Variants in ARSI observed in about 807,000 individuals in gnomAD.
ARSI encodes the protein arylsulfatase I.
Under a neutral mutation model 42.1 loss-of-function variants are expected in ARSI, and 37 were observed. The ratio of observed to expected loss-of-function variants is 0.88; its 90% CI spans 0.68 to 1.16. ARSI has a LOEUF of 1.16. Ranked by LOEUF, ARSI falls within the 50% of genes most tolerant of loss-of-function variation. The probability of loss-of-function intolerance (pLI) is 0.00; values close to 1 mark genes in which losing one functional copy is unlikely to be tolerated. For synonymous variants in ARSI, 305 were observed against 320.3 expected (o/e 0.95, Z 0.51); for missense variants, 725 against 790.1 (o/e 0.92, Z 0.99).
Position 150,296,459 on chromosome 5 carries a change from A to C in ARSI, c.*755T>G, listed in dbSNP as rs1016495520. ...TGGCATCCCCACTTGCAGGTGGGGA[A>C]ATCAAGGCCTAGAGGGCAAGAACTG... On this transcript the variant is annotated 3_prime_UTR_variant, in exon 2 of 2. Coordinates refer to ENST00000328668, the MANE Select transcript of ARSI (RefSeq NM_001012301.4). 1 of 152,304 alleles carries C rather than the reference A, an allele frequency of 6.6e-6. No individual in the cohort carries two copies. Among genetic ancestry groups the C allele is most frequent in the African/African-American group, 2.4e-5 (1 of 41,474 alleles). The allele number at this position is 152,304 out of a possible 1,614,324, so 9.4% of individuals were successfully genotyped here.
At position 150,298,040 on chromosome 5, in the gene ARSI, GAGA is replaced by G. The variant is rs772864164; in HGVS notation, c.881_883del (p.Phe294del). The G allele has an allele frequency of 4.3e-6, 7 of 1,612,650 alleles. No individual in the cohort carries two copies. The highest frequency in any genetic ancestry group is 5.9e-6 in the Non-Finnish European group (7 of 1,180,030). ...GAAAGTCTGGCCACCATTGTCACTG[GAGA>G]AGATGATGACACTGTTGTTGTAGAA... On this transcript the variant is annotated inframe_deletion, in exon 2 of 2. Coordinates refer to ENST00000328668, the MANE Select transcript of ARSI (RefSeq NM_001012301.4).
chr5:150,296,604 G>C lies in ARSI; in HGVS notation c.*610C>G, dbSNP rs1757802949. The C allele has an allele frequency of 6.6e-6, 1 of 152,428 alleles. No homozygotes were observed. Among genetic ancestry groups the C allele is most frequent in the South Asian group, 2.1e-4 (1 of 4,840 alleles). 9.4% of individuals were successfully genotyped at this position (152,428 alleles called of 1,614,324 possible). On this transcript the variant is annotated 3_prime_UTR_variant, in exon 2 of 2. Coordinates refer to ENST00000328668, the MANE Select transcript of ARSI (RefSeq NM_001012301.4). The stretch of plus-strand genomic sequence containing the variant: ...GCCCAGCCAGTTTCTCTGGGTACTG[G>C]AGGGGCCAGAAGAGGAATTTTGCAC...
At chr5:150,300,756 T>C (rs571502279) in intron 1 of ARSI, among the ~76,000 whole-genome samples, 2 of 152,320 alleles carry the variant, frequency 1.3e-5, no homozygotes, top group African/African-American at 4.8e-5. Flanking sequence ...AGCACTGCCC[T>C]CCTGCTGTCT....
Position 150,297,480 on chromosome 5 carries a change from G to C in ARSI, c.1444C>G (p.Pro482Ala). The C allele has an allele frequency of 1.2e-6, 2 of 1,613,616 alleles. No individual in the cohort carries two copies. The highest frequency in any genetic ancestry group is 1.7e-6 in the Non-Finnish European group (2 of 1,179,770). ...GCCAGCAGGGTGCGGACCACATCAG[G>C]CCGCTGGCCAGCCAGGTCCTCCCGT... Reference protein sequence around the residue: ...YEREDLAGQRPDVVRTLLARL... With the variant: ...YEREDLAGQRADVVRTLLARL... Residue 482 changes from proline (P) to alanine (A), a missense_variant, in exon 2 of 2, where the codon CCT becomes GCT. Coordinates refer to ENST00000328668, the MANE Select transcript of ARSI (RefSeq NM_001012301.4). This position sits in a 1 kb window ranked among gnomAD's most constrained non-coding sequence, Gnocchi z 7.0.
Position 150,297,402 on chromosome 5 carries a change from T to A in ARSI, c.1522A>T (p.Asn508Tyr). 6.2e-7 allele frequency: 1 copy of A among 1,608,954 alleles called. No individual in the cohort carries two copies. The highest frequency in any genetic ancestry group is 2.2e-5 in the East Asian group (1 of 44,858). The change falls in exon 2 of 2, where the codon AAC becomes TAC. Residue 508 changes from asparagine (N) to tyrosine (Y), a missense_variant. By Grantham distance (143) the Asn-to-Tyr change is moderately radical. Coordinates refer to ENST00000328668, the MANE Select transcript of ARSI (RefSeq NM_001012301.4). This position sits in a 1 kb window ranked among gnomAD's most constrained non-coding sequence, Gnocchi z 7.0. ...TAIPVRYPAE[N>Y]PRAHPDFNGG... ...TTAAAGTCAGGATGAGCCCGGGGGT[T>A]CTCAGCTGGGTAGCGTACCGGGATG...
rs1205440899 is a variant in ARSI at position 150,297,138 on chromosome 5, C to T, written c.*76G>A. On this transcript the variant is annotated 3_prime_UTR_variant, in exon 2 of 2. Transcript: ENST00000328668. This position sits in a 1 kb window ranked among gnomAD's most constrained non-coding sequence, Gnocchi z 7.0. Reference sequence around the variant, plus strand: ...TCCCTGTAGATGGAGATGTGACAGGCTTCTCCCTGAGAAACAGCAGGGCCA... The same window carrying T: ...TCCCTGTAGATGGAGATGTGACAGGTTTCTCCCTGAGAAACAGCAGGGCCA... The T allele has an allele frequency of 1.4e-6, 2 of 1,458,896 alleles. No homozygotes were observed. The highest frequency in any genetic ancestry group is 1.9e-6 in the Non-Finnish European group (2 of 1,080,268). 90.4% of individuals were successfully genotyped at this position (1,458,896 alleles called of 1,614,324 possible).
Position 150,297,291 on chromosome 5 carries a change from T to C in ARSI, c.1633A>G (p.Lys545Glu), listed in dbSNP as rs1562222998. The C allele has an allele frequency of 1.2e-6, 2 of 1,611,038 alleles. No homozygotes were observed. The highest frequency in any genetic ancestry group is 1.7e-6 in the Non-Finnish European group (2 of 1,178,692). ...RARSFSRGRR[K>E]KKCKICKLRS... Reference sequence around the variant, plus strand: ...AGCTTGCAAATCTTGCATTTTTTCTTGCGACGACCCCGGGAGAAGCTTCGA... The same window carrying C: ...AGCTTGCAAATCTTGCATTTTTTCTCGCGACGACCCCGGGAGAAGCTTCGA... Residue 545 changes from lysine (K) to glutamate (E), a missense_variant, in exon 2 of 2, where the codon AAG becomes GAG. Coordinates refer to ENST00000328668, the MANE Select transcript of ARSI (RefSeq NM_001012301.4). This position sits in a 1 kb window ranked among gnomAD's most constrained non-coding sequence, Gnocchi z 7.0.
Position 150,298,440 on chromosome 5 carries a change from G to T in ARSI, c.484C>A (p.Arg162=), listed in dbSNP as rs776127400. The T allele has an allele frequency of 1.2e-6, 2 of 1,614,080 alleles. No homozygotes were observed. The highest frequency in any genetic ancestry group is 2.7e-5 in the African/African-American group (2 of 74,920). ...FYRKECLPTR[R]GFDTFLGSLT... is the part of the protein sequence containing the mutation. ...GAGCCCAGGAAGGTGTCGAAGCCCC[G>T]ACGGGTGGGCAGACACTCCTTCCGG... The change falls in exon 2 of 2, where the codon CGG becomes AGG. Residue 162 remains arginine (R), a synonymous_variant. Transcript: ENST00000328668.
In ARSI at chr5:150,302,059, C is replaced by G; in HGVS notation, c.311+4G>C. 5.1e-6 allele frequency: 8 copies of G among 1,572,940 alleles called. No homozygotes were observed. The highest frequency in any genetic ancestry group is 6.9e-6 in the Non-Finnish European group (8 of 1,158,550). ...CCAGCCCCGGGGCCTTGAGCCACGCCTACCTGCCAGTGAGGAGCTGGCTCC... is the reference window on the plus strand; with the variant it reads ...CCAGCCCCGGGGCCTTGAGCCACGCGTACCTGCCAGTGAGGAGCTGGCTCC... On this transcript the variant is annotated splice_donor_region_variant and intron_variant, in intron 1 of 1. Coordinates refer to ENST00000328668, the MANE Select transcript of ARSI (RefSeq NM_001012301.4). The surrounding 1 kb of genome is among the most constrained non-coding windows in gnomAD (Gnocchi z 6.1).
In ARSI at chr5:150,297,266, A is replaced by G; in HGVS notation, c.1658T>C (p.Leu553Pro). The stretch of plus-strand genomic sequence containing the variant: ...GTTGAGTTTACGGAAAAAGGATCGA[A>G]GCTTGCAAATCTTGCATTTTTTCTT... ...RRKKKCKICK[L>P]RSFFRKLNTR... The change falls in exon 2 of 2, where the codon CTT becomes CCT. Residue 553 changes from leucine (L) to proline (P), a missense_variant. Physicochemically the swap from Leu to Pro is moderately conservative, Grantham distance 98. Transcript: ENST00000328668. This position sits in a 1 kb window ranked among gnomAD's most constrained non-coding sequence, Gnocchi z 7.0. The G allele has an allele frequency of 6.3e-7, 1 of 1,599,092 alleles. No individual in the cohort carries two copies. Among genetic ancestry groups the G allele is most frequent in the Non-Finnish European group, 8.5e-7 (1 of 1,173,770 alleles).
chr5:150,302,135 T>A lies in ARSI; in HGVS notation c.239A>T (p.Lys80Met), dbSNP rs764309148. ...GTAATAATTCTCCAACTTGACCCCC[T>A]TGGCCGCCAGCCTGTCCAGCGTAGG... Reference protein sequence around the residue: ...ETPTLDRLAAKGVKLENYYIQ... With the variant: ...ETPTLDRLAAMGVKLENYYIQ... Residue 80 changes from lysine to methionine, a missense_variant, in exon 1 of 2, where the codon AAG becomes ATG. By Grantham distance (95) the Lys-to-Met change is moderately conservative. Transcript: ENST00000328668. This position sits in a 1 kb window ranked among gnomAD's most constrained non-coding sequence, Gnocchi z 6.1. 1 of 1,613,078 alleles carries A rather than the reference T, an allele frequency of 6.2e-7. No homozygotes were observed. The highest frequency in any genetic ancestry group is 1.1e-5 in the South Asian group (1 of 90,714).
chr5:150,299,390 AT>A (rs1220269393), intron 1 of ARSI, among the ~76,000 whole-genome samples: 1 of 152,216 alleles, frequency 6.6e-6, no homozygotes, highest in Non-Finnish European at 1.5e-5. Context: ...TCGTCTGCAC[AT>A]GCTCTTGCGC....
chr5:150,302,133 C>A lies in ARSI; in HGVS notation c.241G>T (p.Gly81Trp). The change falls in exon 1 of 2, where the codon GGG becomes TGG. Residue 81 changes from glycine (G) to tryptophan (W), a missense_variant. By Grantham distance (184) the Gly-to-Trp change is radical. Coordinates refer to ENST00000328668, the MANE Select transcript of ARSI (RefSeq NM_001012301.4). The surrounding 1 kb of genome is among the most constrained non-coding windows in gnomAD (Gnocchi z 6.1). ...TPTLDRLAAK[G>W]VKLENYYIQP... is the part of the protein sequence containing the mutation. The stretch of plus-strand genomic sequence containing the variant: ...ATGTAATAATTCTCCAACTTGACCC[C>A]CTTGGCCGCCAGCCTGTCCAGCGTA... 6.2e-7 allele frequency: 1 copy of A among 1,612,850 alleles called. No individual in the cohort carries two copies. Among genetic ancestry groups the A allele is most frequent in the East Asian group, 2.2e-5 (1 of 44,852 alleles).
intron 1 of ARSI, among the ~76,000 whole-genome samples, chr5:150,301,409 G>T (rs998868627): frequency 6.6e-6 from 1 of 152,154 alleles, no homozygotes; most frequent in Non-Finnish European, 1.5e-5. Flanking sequence ...TCTACTTGGG[G>T]CTCCCAGCCA....
In ARSI at chr5:150,297,896, GCC is replaced by G; in HGVS notation, c.1026_1027del (p.Ala343ThrfsTer6). 6.2e-7 allele frequency: 1 copy of G among 1,612,342 alleles called. No individual in the cohort carries two copies. Among genetic ancestry groups the G allele is most frequent in the Non-Finnish European group, 8.5e-7 (1 of 1,179,518 alleles). ...GTACCAGTCAGTGATGTGCATCAGT[GCC>G]CGGCTTGTCCGTTGCTTTCGCTTGA... On this transcript the variant is annotated frameshift_variant, in exon 2 of 2. Transcript: ENST00000328668. LOFTEE classifies it high-confidence loss of function. This position sits in a 1 kb window ranked among gnomAD's most constrained non-coding sequence, Gnocchi z 7.0.
In ARSI at chr5:150,298,046, ATGATGACACTGT is replaced by A; in HGVS notation, c.866_877del (p.Asn289_Ile292del). 1 of 1,612,512 alleles carries A rather than the reference ATGATGACACTGT, an allele frequency of 6.2e-7. No individual in the cohort carries two copies. The highest frequency in any genetic ancestry group is 8.5e-7 in the Non-Finnish European group (1 of 1,179,978). The stretch of plus-strand genomic sequence containing the variant: ...CTGGCCACCATTGTCACTGGAGAAG[ATGATGACACTGT>A]TGTTGTAGAAACCGTAGCGCTTGAG... On this transcript the variant is annotated inframe_deletion, in exon 2 of 2. Coordinates refer to ENST00000328668, the MANE Select transcript of ARSI (RefSeq NM_001012301.4).
Position 150,298,598 on chromosome 5 carries a change from G to C in ARSI, c.326C>G (p.Thr109Arg). Residue 109 changes from threonine to arginine, a missense_variant, in exon 2 of 2, where the codon ACA becomes AGA. Thr to Arg is a moderately conservative substitution (Grantham distance 71, BLOSUM62 -1). Transcript: ENST00000328668. ...QLLTGRYQIHTGLQHSIIRPQ... is the reference protein window; with the variant it reads ...QLLTGRYQIHRGLQHSIIRPQ... ...GCGGATGATGGAATGCTGGAGTCCT[G>C]TGTGGATCTGGTACCTGGTGGGGAG... 6.2e-7 allele frequency: 1 copy of C among 1,607,068 alleles called. No homozygotes were observed.
chr5:150,301,432 T>A (rs1025251389), intron 1 of ARSI, among the ~76,000 whole-genome samples: 6 of 152,150 alleles, frequency 3.9e-5, no homozygotes, highest in African/African-American at 1.4e-4. Flanking sequence ...TTGGGAGGAT[T>A]TTGCAGATGA....
chr5:150,302,112 A>G lies in ARSI; in HGVS notation c.262T>C (p.Tyr88His). Reference protein sequence around the residue: ...AAKGVKLENYYIQPICTPSRS... With the variant: ...AAKGVKLENYHIQPICTPSRS... The stretch of plus-strand genomic sequence containing the variant: ...GAAGGCGTGCAGATGGGCTGGATGT[A>G]ATAATTCTCCAACTTGACCCCCTTG... The change falls in exon 1 of 2, where the codon TAC becomes CAC. Residue 88 changes from tyrosine to histidine, a missense_variant. Tyr to His is a moderately conservative substitution (Grantham distance 83). Coordinates refer to ENST00000328668, the MANE Select transcript of ARSI (RefSeq NM_001012301.4). The surrounding 1 kb of genome is among the most constrained non-coding windows in gnomAD (Gnocchi z 6.1). 6.2e-7 allele frequency: 1 copy of G among 1,609,852 alleles called. No individual in the cohort carries two copies. Among genetic ancestry groups the G allele is most frequent in the Non-Finnish European group, 8.5e-7 (1 of 1,178,468 alleles).
Sources: allele counts gnomAD v4.1 joint callset (sites outside exome capture counted in the v4.1 genomes callset), GRCh38; gene constraint gnomAD v4.1.1; non-coding constraint Gnocchi (gnomAD v3.1); transcripts MANE v1.5; gene names NCBI Gene and HGNC (gene_info 2026-07-23, HGNC 2026-07-21).